Variants in DLG2 observed in about 807,000 individuals in gnomAD.
DLG2 encodes disks large homolog 2.
A neutral mutation model predicts 132.5 loss-of-function variants in DLG2; 45 were observed. The ratio of observed to expected loss-of-function variants is 0.34; its 90% CI spans 0.27 to 0.44. DLG2 has a LOEUF of 0.44. DLG2 is among the 20% of genes least tolerant of loss of function. The pLI, the probability that DLG2 is intolerant of heterozygous loss-of-function variation, is 1.00. For missense variants in DLG2, 1,045 were observed against 1,196.9 expected (o/e 0.87, Z 1.87); for synonymous variants, 424 against 419.6 (o/e 1.01, Z -0.13).
chr11:85,478,414 G>A (rs1457266543), intron 3 of DLG2, among the ~76,000 whole-genome samples: 1 of 151,934 alleles, frequency 6.6e-6, no homozygotes, highest in Non-Finnish European at 1.5e-5. Flanking sequence ...AATCTTTATA[G>A]GACTGTCTTG....
chr11:84,379,962 T>G (rs564038996), intron 7 of DLG2, among the ~76,000 whole-genome samples: 22 of 151,722 alleles, frequency 1.5e-4, no homozygotes, highest in African/African-American at 5.3e-4. Flanking sequence ...AAAGGAAAGG[T>G]AGATTACCTA....
intron 21 of DLG2, among the ~76,000 whole-genome samples, chr11:83,491,993 T>C (rs182085076): frequency 3.9e-5 from 6 of 152,196 alleles, no homozygotes; most frequent in Admixed American, 3.3e-4. Context: ...TAAGGTTTTA[T>C]TCAAGGATAA....
At chr11:84,725,659 T>C (rs1012698598) in intron 6 of DLG2, among the ~76,000 whole-genome samples, 2 of 152,280 alleles carry the variant, frequency 1.3e-5, no homozygotes, top group South Asian at 2.1e-4. Flanking sequence ...TCAAAGTCCA[T>C]ACAAATGATT....
At chr11:83,956,767 C>T (rs993780601) in intron 14 of DLG2, among the ~76,000 whole-genome samples, 8 of 152,148 alleles carry the variant, frequency 5.3e-5, no homozygotes, top group African/African-American at 1.9e-4. Context: ...CATGCTTGTA[C>T]TGTACTCTGA....
chr11:85,241,817 T>TA (rs2075893774), intron 4 of DLG2, among the ~76,000 whole-genome samples: 1 of 151,948 alleles, frequency 6.6e-6, no homozygotes, highest in Non-Finnish European at 1.5e-5. Flanking sequence ...TAGAAGTCTG[T>TA]AATTAAGGTT....
chr11:85,081,050 A>G (rs1227342639), intron 6 of DLG2, among the ~76,000 whole-genome samples: 1 of 152,170 alleles, frequency 6.6e-6, no homozygotes, highest in East Asian at 1.9e-4. Context: ...TGATTTTTTT[A>G]TAATTAAAAA....
At position 85,051,378 on chromosome 11, in the gene DLG2, T is replaced by C. The variant is rs199785239; in HGVS notation, c.357+60283A>G. 5.3e-5 allele frequency among the ~76,000 whole-genome samples: 8 copies of C among 152,294 alleles called. No individual in the cohort carries two copies. The East Asian group carries it at 1.4e-3, about 26-fold the overall frequency. On this transcript the variant is annotated intron_variant, in intron 6 of 27. Coordinates refer to ENST00000376104, the MANE Select transcript of DLG2 (RefSeq NM_001142699.3). ...CAAATTATTCAAATTTGCAGAGATATATACTATATAAATTCCCTCCCCAAG... is the reference window on the plus strand; with the variant it reads ...CAAATTATTCAAATTTGCAGAGATACATACTATATAAATTCCCTCCCCAAG...
intron 5 of DLG2, among the ~76,000 whole-genome samples, chr11:85,130,579 G>T (rs949932050): frequency 6.6e-6 from 1 of 152,314 alleles, no homozygotes; most frequent in Middle Eastern, 3.4e-3. Context: ...AGCTTAGGAC[G>T]TATCATAATT....
At chr11:84,338,051 A>G (rs1010178052) in intron 7 of DLG2, among the ~76,000 whole-genome samples, 5 of 152,222 alleles carry the variant, frequency 3.3e-5, no homozygotes, top group African/African-American at 1.2e-4. Context: ...GGTCTAGTGA[A>G]GTATCACAAT....
At chr11:83,854,631 A>G (rs2060235876) in intron 16 of DLG2, among the ~76,000 whole-genome samples, 1 of 152,084 alleles carries the variant, frequency 6.6e-6, no homozygotes. Flanking sequence ...GCAAAACACA[A>G]AACTATAAAC....
At chr11:83,770,730 G>A (rs569019002) in intron 18 of DLG2, among the ~76,000 whole-genome samples, 2 of 152,070 alleles carry the variant, frequency 1.3e-5, no homozygotes, top group East Asian at 3.9e-4. Flanking sequence ...CAGGCTTTCT[G>A]TAAAATTTTA....
intron 8 of DLG2, among the ~76,000 whole-genome samples, chr11:84,185,254 T>C (rs2096250983): frequency 6.6e-6 from 1 of 152,214 alleles, no homozygotes; most frequent in African/African-American, 2.4e-5. Context: ...CATTGAGCAG[T>C]GATATGTAGT....
intron 10 of DLG2, among the ~76,000 whole-genome samples, chr11:84,084,717 C>T (rs2154160166): frequency 6.6e-6 from 1 of 151,824 alleles, no homozygotes; most frequent in East Asian, 1.9e-4. Flanking sequence ...TGTTAACTTA[C>T]CTTTTTTGTT....
chr11:85,270,231 A>G (rs2077444704), intron 4 of DLG2, among the ~76,000 whole-genome samples: 1 of 152,166 alleles, frequency 6.6e-6, no homozygotes, highest in Admixed American at 6.5e-5. Context: ...TTCCCATGCT[A>G]TTCTCATGAT....
intron 7 of DLG2, among the ~76,000 whole-genome samples, chr11:84,308,513 C>G (rs1006040382): frequency 1.4e-4 from 21 of 152,246 alleles, no homozygotes; most frequent in African/African-American, 5.1e-4. Flanking sequence ...ACGGGGGCCA[C>G]AGGTGGAGCT....
intron 6 of DLG2, among the ~76,000 whole-genome samples, chr11:84,867,515 G>GT (rs1349076399): frequency 2.6e-5 from 4 of 152,112 alleles, no homozygotes; most frequent in Non-Finnish European, 5.9e-5. Flanking sequence ...GTTAGCCTTT[G>GT]TTTTTTAAGG....
Position 84,994,343 on chromosome 11 carries a change from A to ATTATGG in DLG2, c.357+117317_357+117318insCCATAA, listed in dbSNP as rs2057428382. 2.0e-5 allele frequency among the ~76,000 whole-genome samples: 3 copies of ATTATGG among 152,218 alleles called. No individual in the cohort carries two copies. In the South Asian group the frequency reaches 6.2e-4, roughly 31 times the overall value. ...TACTTCAAGTGGGATCATTCCTGTA[A>ATTATGG]CACCAGAATTATGGCTATATATTAA... On this transcript the variant is annotated intron_variant, in intron 6 of 27. Coordinates refer to ENST00000376104, the MANE Select transcript of DLG2 (RefSeq NM_001142699.3).
rs748220879 is a variant in DLG2, at chr11:85,191,151, C to T, written c.187-36500G>A. ...TCATTTGTCTATATGCATGCGCGCGCGCGCACGCGCGCACACACACACACA... is the reference window on the plus strand; with the variant it reads ...TCATTTGTCTATATGCATGCGCGCGTGCGCACGCGCGCACACACACACACA... On this transcript the variant is annotated intron_variant, in intron 4 of 27. Transcript: ENST00000376104. Among the ~76,000 whole-genome samples, 16 of 127,320 alleles carry T rather than the reference C, an allele frequency of 1.3e-4. No homozygotes were observed. The East Asian group carries it at 2.1e-3, about 17-fold the overall frequency. 83.5% of individuals were successfully genotyped at this position (127,320 alleles called of 152,430 possible).
At chr11:85,568,029 T>TG (rs2077626057) in intron 3 of DLG2, among the ~76,000 whole-genome samples, 1 of 151,698 alleles carries the variant, frequency 6.6e-6, no homozygotes, top group South Asian at 2.1e-4. Context: ...TTTTTTTTTT[T>TG]TTGAGATGGA....
Sources: allele counts gnomAD v4.1 joint callset (sites outside exome capture counted in the v4.1 genomes callset), GRCh38; gene constraint gnomAD v4.1.1; transcripts MANE v1.5; gene names NCBI Gene and HGNC (gene_info 2026-07-23, HGNC 2026-07-21).